The following TCF4 variants were observed in gnomAD, a reference collection of about 807,000 sequenced individuals.
The protein encoded by TCF4 is SL3-3 enhancer factor 2.
TCF4 carries 3 observed loss-of-function variants against 82.1 expected under a neutral mutation model. That is an observed-to-expected ratio of 0.04 (90% confidence interval 0.02 to 0.09). The LOEUF (loss-of-function observed/expected upper bound fraction) is 0.09. Among genes scored for constraint, TCF4 ranks in the 10% least tolerant of loss-of-function variants. TCF4 has a pLI of 1.00. For synonymous variants in TCF4, 276 were observed against 309.6 expected (o/e 0.89, Z 1.14); for missense variants, 518 against 852.7 (o/e 0.61, Z 4.89).
intron 3 of TCF4, among the ~76,000 whole-genome samples, chr18:55,467,088 A>T (rs1452352331): frequency 1.3e-5 from 2 of 152,108 alleles, no homozygotes; most frequent in East Asian, 1.9e-4. Context: ...GCTCTCCCAA[A>T]CCTAATAAAT....
chr18:55,254,438 T>C, intron 15 of TCF4, 59 bp downstream of exon 15: 2 of 1,517,872 alleles, frequency 1.3e-6, no homozygotes, highest in Non-Finnish European at 1.8e-6. Flanking sequence ...CAATAGTATC[T>C]ATATCTGAAA....
intron 15 of TCF4, 73 bp downstream of exon 15, chr18:55,254,424 G>T: frequency 6.9e-7 from 1 of 1,440,148 alleles, no homozygotes; most frequent in South Asian, 1.2e-5. Flanking sequence ...TTAAAAAACA[G>T]CAACAATAGT....
At chr18:55,620,002 G>A (rs1365314411) in intron 2 of TCF4, among the ~76,000 whole-genome samples, 2 of 152,110 alleles carry the variant, frequency 1.3e-5, no homozygotes, top group Non-Finnish European at 2.9e-5. Flanking sequence ...TGAACTGTGG[G>A]GGTGGTTTCC....
chr18:55,463,948 CTG>C lies in TCF4; in HGVS notation c.207+126_207+127del, dbSNP rs151196106. Reference sequence around the variant, plus strand: ...TGTGTGCGTGTGCATGCCCATGCCTCTGTGTGTGTGTGTGTGTGTGTGTGTGT... The same window carrying C: ...TGTGTGCGTGTGCATGCCCATGCCTCTGTGTGTGTGTGTGTGTGTGTGTGT... On this transcript the variant is annotated intron_variant, in intron 4 of 19. Coordinates refer to ENST00000354452, the MANE Select transcript of TCF4 (RefSeq NM_001083962.2). The C allele has an allele frequency of 0.011, 7,582 of 694,650 alleles. 219 individuals carry two copies. The highest frequency in any genetic ancestry group is 0.09 in the African/African-American group (4,753 of 52,864). The allele number at this position is 694,650 out of a possible 1,614,324, so 43.0% of individuals were successfully genotyped here.
chr18:55,501,810 CAA>C (rs1470138640), intron 3 of TCF4, among the ~76,000 whole-genome samples: 4 of 152,024 alleles, frequency 2.6e-5, no homozygotes, highest in African/African-American at 9.7e-5. Flanking sequence ...CATGAAAAGG[CAA>C]AGAGACTGAT....
chr18:55,530,564 G>GA (rs1049085368), intron 3 of TCF4, among the ~76,000 whole-genome samples: 1 of 149,406 alleles, frequency 6.7e-6, no homozygotes, highest in African/African-American at 2.5e-5. Flanking sequence ...CCTGAAAAGG[G>GA]GGGGGGAAAC....
Position 55,634,164 on chromosome 18 carries a change from G to A in TCF4, c.195+1539C>T, listed in dbSNP as rs1248194945. Among the ~76,000 whole-genome samples, 3 of 152,262 alleles carry A rather than the reference G, an allele frequency of 2.0e-5. No homozygotes were observed. The East Asian group carries it at 5.8e-4, about 29-fold the overall frequency. ...GGGGCCTGTAATCCCAGCTACATGG[G>A]AGGCTGAGACAGGAGAATGGCTTGA... is the stretch of plus-strand genomic sequence containing the variant. On this transcript the variant is annotated intron_variant, in intron 1 of 20. Coordinates refer to the TCF4 transcript ENST00000398339.
rs1347218962 is a variant in TCF4, at chr18:55,586,153, G to GAGAAGCAGCAGCAGCAGC, written c.73-802_73-801insGCTGCTGCTGCTGCTTCT. The GAGAAGCAGCAGCAGCAGC allele has an allele frequency of 4.5e-6, 3 of 661,380 alleles. No individual in the cohort carries two copies. In the African/African-American group the frequency reaches 5.6e-5, roughly 12 times the overall value. The allele number at this position is 661,380 out of a possible 1,614,324, so 41.0% of individuals were successfully genotyped here. On this transcript the variant is annotated intron_variant, in intron 2 of 19. Transcript: ENST00000354452. ...GGAGGAGAAGGAGGAGGAGGAGGAG[G>GAGAAGCAGCAGCAGCAGC]AGCAGCAGCAGCAGCAGCAGCAGCA...
At chr18:55,318,782 T>C (rs888523372) in intron 8 of TCF4, among the ~76,000 whole-genome samples, 2 of 152,118 alleles carry the variant, frequency 1.3e-5, no homozygotes, top group African/African-American at 4.8e-5. Context: ...TCCTAAAATA[T>C]CATTGATTAT....
Position 55,351,893 on chromosome 18 carries a change from T to C in TCF4, c.370-890A>G, listed in dbSNP as rs1273607533. 5.7e-6 allele frequency: 5 copies of C among 870,170 alleles called. No homozygotes were observed. In the East Asian group the frequency reaches 4.8e-4, roughly 84 times the overall value. The allele number at this position is 870,170 out of a possible 1,614,324, so 53.9% of individuals were successfully genotyped here. A position where few individuals can be genotyped will look rare whatever the true frequency, so the allele number is the denominator to read the frequency against. ...AAACAAGAGTAGATAGTACCATTTATATTAAGAACAAATTTACTATTTAAT... is the reference window on the plus strand; with the variant it reads ...AAACAAGAGTAGATAGTACCATTTACATTAAGAACAAATTTACTATTTAAT... On this transcript the variant is annotated intron_variant, in intron 6 of 19. Coordinates refer to ENST00000354452, the MANE Select transcript of TCF4 (RefSeq NM_001083962.2).
intron 3 of TCF4, among the ~76,000 whole-genome samples, chr18:55,535,202 G>A (rs1156567966): frequency 2.6e-5 from 4 of 152,284 alleles, no homozygotes; most frequent in East Asian, 1.9e-4. Flanking sequence ...TTCAGGGTTC[G>A]TGCTCTCTTT....
chr18:55,241,665 C>T (rs1393736535), intron 15 of TCF4, among the ~76,000 whole-genome samples: 1 of 152,212 alleles, frequency 6.6e-6, no homozygotes, highest in Non-Finnish European at 1.5e-5. Context: ...TTTACCATTA[C>T]CCATTGGCCT....
intron 8 of TCF4, among the ~76,000 whole-genome samples, chr18:55,290,998 T>C (rs1406709775): frequency 6.6e-6 from 1 of 152,226 alleles, no homozygotes; most frequent in Non-Finnish European, 1.5e-5. Context: ...CTTCATAGTA[T>C]TTTAAATCAA....
chr18:55,277,140 C>A (rs906982458), intron 9 of TCF4, among the ~76,000 whole-genome samples: 1 of 152,114 alleles, frequency 6.6e-6, no homozygotes, highest in African/African-American at 2.4e-5. Flanking sequence ...CACCAAGTAC[C>A]CCTCTACTGA....
intron 5 of TCF4, among the ~76,000 whole-genome samples, chr18:55,405,208 G>C (rs972857520): frequency 6.6e-6 from 1 of 152,156 alleles, no homozygotes; most frequent in Non-Finnish European, 1.5e-5. Flanking sequence ...AACAGAAAAG[G>C]CTCGACCTTC....
upstream of TCF4, among the ~76,000 whole-genome samples, chr18:55,592,149 G>C (rs1422334541): frequency 6.6e-6 from 1 of 152,186 alleles, no homozygotes; most frequent in African/African-American, 2.4e-5. Flanking sequence ...TAAAAAAGGA[G>C]GGGTAGTAGG....
chr18:55,362,369 G>A (rs867288249), intron 6 of TCF4, among the ~76,000 whole-genome samples: 79 of 91,772 alleles, frequency 8.6e-4, no homozygotes, highest in Middle Eastern at 6.8e-3. Context: ...AAGGAAGGAA[G>A]GAAGGAAGGA....
At chr18:55,527,686 T>C (rs535058689) in intron 3 of TCF4, among the ~76,000 whole-genome samples, 2 of 152,284 alleles carry the variant, frequency 1.3e-5, no homozygotes, top group South Asian at 4.1e-4. Context: ...GAATGAGATA[T>C]CAAAGTTATT....
chr18:55,475,717 G>A (rs896138420), intron 3 of TCF4, among the ~76,000 whole-genome samples: 7 of 152,090 alleles, frequency 4.6e-5, no homozygotes, highest in African/African-American at 7.2e-5. Context: ...TTTGACAGCC[G>A]CAGAAATGTA....
Sources: allele counts gnomAD v4.1 joint callset (sites outside exome capture counted in the v4.1 genomes callset), GRCh38; gene constraint gnomAD v4.1.1; transcripts MANE v1.5; gene names NCBI Gene and HGNC (gene_info 2026-07-23, HGNC 2026-07-21).